WASHC3: variants seen among roughly 807,000 people sequenced by gnomAD.
The protein encoded by WASHC3 is WASH complex subunit 3, also known as WASH complex subunit CCDC53.
WASHC3 carries 24 observed loss-of-function variants against 26.1 expected under a neutral mutation model. The ratio of observed to expected loss-of-function variants is 0.92; its 90% CI spans 0.66 to 1.29. The LOEUF is 1.29. Among genes scored for constraint, WASHC3 ranks in the 50% most tolerant of loss-of-function variants. WASHC3 has a pLI of 0.00. For missense variants in WASHC3, 214 were observed against 229.6 expected (o/e 0.93, Z 0.44); for synonymous variants, 77 against 75.7 (o/e 1.02, Z -0.09).
intron 5 of WASHC3, among the ~76,000 whole-genome samples, chr12:102,027,842 C>A (rs763878519): frequency 2.6e-5 from 4 of 152,000 alleles, no homozygotes; most frequent in African/African-American, 9.7e-5. Flanking sequence ...GTTGTTTTGT[C>A]TTATAAATTA....
intron 6 of WASHC3, among the ~76,000 whole-genome samples, chr12:102,022,967 C>T (rs549393507): frequency 1.1e-3 from 166 of 151,658 alleles, no homozygotes; most frequent in Middle Eastern, 0.01. Flanking sequence ...CTTTTTATCT[C>T]GGTGGTACTG....
chr12:102,040,593 G>A (rs1331949791), intron 4 of WASHC3, among the ~76,000 whole-genome samples: 1 of 151,994 alleles, frequency 6.6e-6, no homozygotes, highest in African/African-American at 2.4e-5. Flanking sequence ...CTACAGAGTG[G>A]TTAAAAGTCA....
intron 2 of WASHC3, among the ~76,000 whole-genome samples, chr12:102,055,151 CTT>C (rs1878543348): frequency 6.6e-6 from 1 of 152,036 alleles, no homozygotes; most frequent in Non-Finnish European, 1.5e-5. Context: ...AATCCACAAA[CTT>C]TTAGCTAGAT....
chr12:102,051,213 CG>C (rs1000012587), intron 2 of WASHC3, among the ~76,000 whole-genome samples: 6 of 152,132 alleles, frequency 3.9e-5, no homozygotes, highest in African/African-American at 1.4e-4. Context: ...CAGATCCTGT[CG>C]GGGGGTGGGA....
chr12:102,032,167 G>A (rs1189891573), intron 5 of WASHC3, among the ~76,000 whole-genome samples: 1 of 151,948 alleles, frequency 6.6e-6, no homozygotes, highest in Non-Finnish European at 1.5e-5. Context: ...ATTTCCTCAG[G>A]CCAACATCCA....
At position 102,049,173 on chromosome 12, in the gene WASHC3, C is replaced by T. The variant is rs78672538; in HGVS notation, c.151-3054G>A. 2.0e-3 allele frequency among the ~76,000 whole-genome samples: 306 copies of T among 152,314 alleles called. 1 individual carries two copies. The highest frequency in any genetic ancestry group is 7.0e-3 in the African/African-American group (290 of 41,566). On this transcript the variant is annotated intron_variant, in intron 2 of 6. Transcript: ENST00000240079. Reference sequence around the variant, plus strand: ...CTGCAGGGGACTGTCCTGAGCACTACAAGATGGGTAGCAGAATCTCTGGTC... The same window carrying T: ...CTGCAGGGGACTGTCCTGAGCACTATAAGATGGGTAGCAGAATCTCTGGTC...
chr12:102,062,111 A>G, upstream of WASHC3: 1 of 609,410 alleles, frequency 1.6e-6, no homozygotes, highest in Non-Finnish European at 2.8e-6. Flanking sequence ...CTCACTAATC[A>G]CTCGGCGGCT....
chr12:102,057,741 T>C (rs1193523663), intron 2 of WASHC3, among the ~76,000 whole-genome samples: 4 of 151,732 alleles, frequency 2.6e-5, no homozygotes, highest in East Asian at 3.9e-4. Flanking sequence ...CTATAACACA[T>C]TGATGAAAAA....
At chr12:102,025,596 G>A (rs1594351627) in intron 6 of WASHC3, among the ~76,000 whole-genome samples, 1 of 121,624 alleles carries the variant, frequency 8.2e-6, no homozygotes. Context: ...CTACCCCCTG[G>A]TACATAATAA....
chr12:102,017,764 C>T (rs1876770920), intron 6 of WASHC3: 3 of 433,874 alleles, frequency 6.9e-6, no homozygotes, highest in Admixed American at 2.6e-5. Flanking sequence ...GTCAGCAACA[C>T]TTGTTATTGT....
chr12:102,025,398 A>G (rs1877132850), intron 6 of WASHC3, among the ~76,000 whole-genome samples: 1 of 152,164 alleles, frequency 6.6e-6, no homozygotes, highest in African/African-American at 2.4e-5. Context: ...AAAATATTTT[A>G]TAAAATTCAC....
intron 2 of WASHC3, among the ~76,000 whole-genome samples, chr12:102,055,268 A>G (rs1186317010): frequency 6.6e-6 from 1 of 152,258 alleles, no homozygotes; most frequent in East Asian, 1.9e-4. Context: ...AGCTCAATGC[A>G]GCTCAGTGAC....
At chr12:102,046,359 G>C (rs186342576) in intron 2 of WASHC3, among the ~76,000 whole-genome samples, 1 of 151,974 alleles carries the variant, frequency 6.6e-6, no homozygotes, top group East Asian at 1.9e-4. Context: ...GCAGTGGTGC[G>C]ATCTCGGCTC....
intron 5 of WASHC3, among the ~76,000 whole-genome samples, chr12:102,026,892 G>A (rs894899367): frequency 1.3e-5 from 2 of 152,220 alleles, no homozygotes; most frequent in East Asian, 3.9e-4. Context: ...AAGGAGGCAG[G>A]GTCATGGCAT....
At chr12:102,057,417 G>C (rs912807803) in intron 2 of WASHC3, among the ~76,000 whole-genome samples, 3 of 151,984 alleles carry the variant, frequency 2.0e-5, no homozygotes, top group African/African-American at 7.2e-5. Context: ...CCTAGCTATA[G>C]TAATTAGACA....
intron 5 of WASHC3, among the ~76,000 whole-genome samples, chr12:102,036,824 G>C (rs1175718800): frequency 6.6e-6 from 1 of 152,112 alleles, no homozygotes; most frequent in African/African-American, 2.4e-5. Flanking sequence ...ATCAGAAACA[G>C]TCTGAGGCAG....
chr12:102,031,256 T>C (rs889620395), intron 5 of WASHC3, among the ~76,000 whole-genome samples: 2 of 152,182 alleles, frequency 1.3e-5, no homozygotes, highest in Non-Finnish European at 2.9e-5. Flanking sequence ...TGGCAAAGCA[T>C]AGGTAATATG....
At chr12:102,013,522 G>C (rs1364546838) in intron 6 of WASHC3, among the ~76,000 whole-genome samples, 1 of 152,194 alleles carries the variant, frequency 6.6e-6, no homozygotes, top group Non-Finnish European at 1.5e-5. Flanking sequence ...CCAGTGCTAA[G>C]TCCCTGAAGC....
At chr12:102,027,687 C>T (rs532663205) in intron 5 of WASHC3, among the ~76,000 whole-genome samples, 5 of 152,058 alleles carry the variant, frequency 3.3e-5, no homozygotes, top group Admixed American at 1.3e-4. Flanking sequence ...TACCCACATC[C>T]CCTTTCACAG....
Sources: gnomAD v4.1 joint callset for allele counts (sites outside exome capture counted in the v4.1 genomes callset) on GRCh38, gnomAD v4.1.1 for gene constraint, MANE v1.5 for transcripts, NCBI Gene and HGNC (gene_info 2026-07-23, HGNC 2026-07-21) for gene names.